MREG: variants seen among roughly 807,000 people sequenced by gnomAD.
The protein encoded by MREG is dilute suppressor protein homolog.
A neutral mutation model predicts 28.5 loss-of-function variants in MREG; 31 were observed. The observed-to-expected ratio is 1.09, with a 90% CI of 0.82 to 1.47. The LOEUF (loss-of-function observed/expected upper bound fraction) is 1.47. Among genes scored for constraint, MREG ranks in the 40% most tolerant of loss-of-function variants. The probability of loss-of-function intolerance (pLI) is 0.00; values close to 1 mark genes in which losing one functional copy is unlikely to be tolerated. For missense variants in MREG, 256 were observed against 257.4 expected (o/e 0.99, Z 0.04); for synonymous variants, 106 against 95.2 (o/e 1.11, Z -0.66).
chr2:215,998,973 T>C (rs1230501399), intron 1 of MREG, among the ~76,000 whole-genome samples: 2 of 152,108 alleles, frequency 1.3e-5, no homozygotes, highest in African/African-American at 2.4e-5. Flanking sequence ...ACGTTATGTA[T>C]GATGAGAAGG....
At chr2:216,028,118 G>A (rs1215337131) in intron 1 of MREG, among the ~76,000 whole-genome samples, 2 of 152,184 alleles carry the variant, frequency 1.3e-5, no homozygotes, top group Admixed American at 6.5e-5. Flanking sequence ...AATGCTTCAT[G>A]TAAATATAAT....
upstream of MREG, among the ~76,000 whole-genome samples, chr2:216,015,321 T>C (rs1419286872): frequency 6.6e-6 from 1 of 152,020 alleles, no homozygotes. Context: ...CTAGCCATGA[T>C]ATCGCCAGGA....
At chr2:216,010,253 T>G (rs1694262357) in intron 1 of MREG, among the ~76,000 whole-genome samples, 1 of 151,462 alleles carries the variant, frequency 6.6e-6, no homozygotes, top group Admixed American at 6.6e-5. Flanking sequence ...CTGGAATCAG[T>G]GAAAAATGAT....
At chr2:215,989,923 G>A (rs532866043) in intron 2 of MREG, among the ~76,000 whole-genome samples, 24 of 152,228 alleles carry the variant, frequency 1.6e-4, no homozygotes, top group Admixed American at 6.5e-4. Flanking sequence ...TGTTTGATTG[G>A]TATACCTGAA....
At chr2:215,979,467 A>AAAAAATAAT (rs373505672) in intron 2 of MREG, among the ~76,000 whole-genome samples, 5 of 132,494 alleles carry the variant, frequency 3.8e-5, no homozygotes, top group Non-Finnish European at 7.8e-5. Flanking sequence ...CCATCTCAAA[A>AAAAAATAAT]AATAATAATA....
intron 1 of MREG, among the ~76,000 whole-genome samples, chr2:216,020,053 A>G (rs1324528273): frequency 2.0e-5 from 3 of 152,154 alleles, no homozygotes; most frequent in Non-Finnish European, 4.4e-5. Context: ...CTGGGCTGGA[A>G]GAGGAGTAGA....
intron 2 of MREG, among the ~76,000 whole-genome samples, chr2:215,967,407 T>G (rs11681445): frequency 0.041 from 6,205 of 152,324 alleles, 226 homozygotes; most frequent in African/African-American, 0.09. Flanking sequence ...TCACTTAGAC[T>G]AATCTCACAT....
intron 1 of MREG, among the ~76,000 whole-genome samples, chr2:216,001,076 A>C: frequency 6.8e-6 from 1 of 147,298 alleles, no homozygotes; most frequent in African/African-American, 2.5e-5. Context: ...TTTCCTCTTT[A>C]TTTCTCCTCT....
intron 1 of MREG, among the ~76,000 whole-genome samples, chr2:216,008,900 C>T (rs1485137117): frequency 6.6e-6 from 1 of 152,206 alleles, no homozygotes; most frequent in Non-Finnish European, 1.5e-5. Context: ...AGACACTTTC[C>T]TCTTCAACTC....
At chr2:215,961,969 G>A (rs528357886) in intron 2 of MREG, among the ~76,000 whole-genome samples, 9 of 152,158 alleles carry the variant, frequency 5.9e-5, no homozygotes, top group Non-Finnish European at 2.9e-5. Flanking sequence ...TGGAGTTACT[G>A]CTTAGAGCAC....
rs935841374 is a variant in MREG, at chr2:215,943,058, T to C, written c.*1805A>G. 1.3e-4 allele frequency: 21 copies of C among 161,104 alleles called. No homozygotes were observed. Among genetic ancestry groups the C allele is most frequent in the African/African-American group, 4.3e-4 (18 of 41,708 alleles). 10.0% of individuals were successfully genotyped at this position (161,104 alleles called of 1,614,324 possible). A position where few individuals can be genotyped will look rare whatever the true frequency, so the allele number is the denominator to read the frequency against. On this transcript the variant is annotated 3_prime_UTR_variant, in exon 5 of 5. Transcript: ENST00000263268. Reference sequence around the variant, plus strand: ...CTCGCCTATGAAATATTTTAAACATTGTGGACGCTACCAAAAAGCTCATTG... The same window carrying C: ...CTCGCCTATGAAATATTTTAAACATCGTGGACGCTACCAAAAAGCTCATTG...
intron 1 of MREG, among the ~76,000 whole-genome samples, chr2:216,024,796 T>C (rs1694570259): frequency 6.6e-6 from 1 of 150,832 alleles, no homozygotes; most frequent in Admixed American, 6.6e-5. Flanking sequence ...GGCAGAAGAA[T>C]TGCTTGAACC....
intron 2 of MREG, among the ~76,000 whole-genome samples, chr2:215,978,577 CAAA>C (rs932540568): frequency 3.3e-5 from 5 of 152,002 alleles, no homozygotes; most frequent in African/African-American, 1.2e-4. Context: ...ACAGACACAA[CAAA>C]AAAAGAGAAT....
intron 2 of MREG, among the ~76,000 whole-genome samples, chr2:215,995,311 A>G (rs557910991): frequency 3.3e-5 from 5 of 152,258 alleles, no homozygotes; most frequent in African/African-American, 1.2e-4. Flanking sequence ...CCCTTCCCCC[A>G]TCCTGTGATC....
chr2:216,008,523 G>T (rs1694220198), intron 1 of MREG, among the ~76,000 whole-genome samples: 1 of 152,186 alleles, frequency 6.6e-6, no homozygotes, highest in Non-Finnish European at 1.5e-5. Flanking sequence ...AATCTGTTTT[G>T]CTCCTTGTTC....
intron 2 of MREG, among the ~76,000 whole-genome samples, chr2:215,971,704 C>CT (rs1174172530): frequency 6.6e-6 from 1 of 152,190 alleles, no homozygotes; most frequent in East Asian, 1.9e-4. Flanking sequence ...AGCAGAGGTC[C>CT]TGCCTGCTTC....
chr2:215,973,475 C>T lies in MREG; in HGVS notation c.255+22831G>A, dbSNP rs939923846. On this transcript the variant is annotated intron_variant, in intron 2 of 4. Coordinates refer to ENST00000263268, the MANE Select transcript of MREG (RefSeq NM_018000.3). ...CAGTCCACAGTCCACAGGCCTCTCC[C>T]TCCTTACAAGCTGTTGCATGCCCAC... Among the ~76,000 whole-genome samples, 7 of 152,316 alleles carry T rather than the reference C, an allele frequency of 4.6e-5. No homozygotes were observed. The East Asian group carries it at 1.4e-3, about 29-fold the overall frequency.
intron 1 of MREG, among the ~76,000 whole-genome samples, chr2:216,027,224 G>A (rs191488903): frequency 4.6e-5 from 7 of 152,232 alleles, no homozygotes; most frequent in African/African-American, 1.4e-4. Flanking sequence ...TTGGTGTTTG[G>A]TGACAGAAAG....
chr2:215,972,548 C>T (rs185732375), intron 2 of MREG, among the ~76,000 whole-genome samples: 3 of 141,326 alleles, frequency 2.1e-5, no homozygotes, highest in East Asian at 4.2e-4. Context: ...GAGTCTGAGG[C>T]GAGGTTGCGG....
Sources: allele counts gnomAD v4.1 joint callset (sites outside exome capture counted in the v4.1 genomes callset), GRCh38; gene constraint gnomAD v4.1.1; transcripts MANE v1.5; gene names NCBI Gene and HGNC (gene_info 2026-07-23, HGNC 2026-07-21).